Variants in KCNIP4 observed in about 807,000 individuals in gnomAD.
The protein encoded by KCNIP4 is Kv channel-interacting protein 4.
Under a neutral mutation model 34.0 loss-of-function variants are expected in KCNIP4, and 12 were observed. The ratio of observed to expected loss-of-function variants is 0.35; its 90% CI spans 0.23 to 0.57. KCNIP4 has a LOEUF of 0.57. KCNIP4 is among the 20% of genes least tolerant of loss of function. The pLI is 0.83. For synonymous variants in KCNIP4, 124 were observed against 102.2 expected (o/e 1.21, Z -1.29); for missense variants, 238 against 311.7 (o/e 0.76, Z 1.78).
intron 5 of KCNIP4, among the ~76,000 whole-genome samples, chr4:20,743,225 C>T (rs925175975): frequency 2.6e-5 from 4 of 152,120 alleles, no homozygotes; most frequent in African/African-American, 7.2e-5. Context: ...GTGCCATCCC[C>T]ATCAAGCTAC....
chr4:21,138,728 T>C (rs1332731058), intron 1 of KCNIP4, among the ~76,000 whole-genome samples: 1 of 151,988 alleles, frequency 6.6e-6, no homozygotes, highest in Non-Finnish European at 1.5e-5. Context: ...AGGCAGAATG[T>C]ATTCCTAAAG....
At chr4:21,653,320 T>C (rs1042978605) in intron 1 of KCNIP4, among the ~76,000 whole-genome samples, 8 of 152,186 alleles carry the variant, frequency 5.3e-5, no homozygotes, top group Non-Finnish European at 1.2e-4. Context: ...GGCATCAGCT[T>C]TCTTATCTGC....
chr4:21,256,925 C>G (rs895180750), intron 1 of KCNIP4, among the ~76,000 whole-genome samples: 3 of 152,116 alleles, frequency 2.0e-5, no homozygotes, highest in Non-Finnish European at 2.9e-5. Flanking sequence ...TCTAAGGTCT[C>G]TCTATATGCG....
intron 1 of KCNIP4, among the ~76,000 whole-genome samples, chr4:21,475,910 C>T (rs143145833): frequency 6.6e-6 from 1 of 152,124 alleles, no homozygotes; most frequent in South Asian, 2.1e-4. Flanking sequence ...ATAAACCATT[C>T]TATCATGAAG....
chr4:21,585,840 A>T (rs144008432), intron 1 of KCNIP4, among the ~76,000 whole-genome samples: 139 of 152,172 alleles, frequency 9.1e-4, no homozygotes, highest in African/African-American at 3.2e-3. Flanking sequence ...AAGTATAATT[A>T]AGAAATATGT....
At chr4:21,352,102 T>C (rs2109377828) in intron 1 of KCNIP4, among the ~76,000 whole-genome samples, 1 of 152,298 alleles carries the variant, frequency 6.6e-6, no homozygotes, top group African/African-American at 2.4e-5. Context: ...GCAGAGATAT[T>C]TTATCTTGTT....
intron 1 of KCNIP4, among the ~76,000 whole-genome samples, chr4:21,924,675 C>G (rs1299384008): frequency 1.3e-5 from 2 of 152,148 alleles, no homozygotes; most frequent in Non-Finnish European, 1.5e-5. Context: ...TTTTAAGGGT[C>G]AGTGCTGACT....
At chr4:21,837,114 T>G (rs1242877119) in intron 1 of KCNIP4, among the ~76,000 whole-genome samples, 1 of 150,566 alleles carries the variant, frequency 6.6e-6, no homozygotes, top group African/African-American at 2.4e-5. Flanking sequence ...AGATGGGGTT[T>G]CACCATGTTA....
At chr4:20,775,549 A>G (rs1756301842) in intron 3 of KCNIP4, among the ~76,000 whole-genome samples, 2 of 151,592 alleles carry the variant, frequency 1.3e-5, no homozygotes, top group South Asian at 4.2e-4. Flanking sequence ...AAAAAAAAAA[A>G]AAAAAAAAAG....
rs564976687 is a variant in KCNIP4 at position 21,909,929 on chromosome 4, T to C, written c.61+38642A>G. 5.3e-5 allele frequency among the ~76,000 whole-genome samples: 8 copies of C among 152,132 alleles called. No homozygotes were observed. In the East Asian group the frequency reaches 1.6e-3, roughly 30 times the overall value. On this transcript the variant is annotated intron_variant, in intron 1 of 8. Transcript: ENST00000382152. Reference sequence around the variant, plus strand: ...GGAAACTGCCCCCATGATTCAATTATCTCCCACCAGGTCCCTCCCACAACA... The same window carrying C: ...GGAAACTGCCCCCATGATTCAATTACCTCCCACCAGGTCCCTCCCACAACA...
intron 1 of KCNIP4, among the ~76,000 whole-genome samples, chr4:21,692,261 A>C (rs1279435340): frequency 6.6e-6 from 1 of 152,234 alleles, no homozygotes; most frequent in Non-Finnish European, 1.5e-5. Flanking sequence ...ATTAACATGC[A>C]AATTTCTTTC....
intron 1 of KCNIP4, chr4:20,916,188 TCTC>T: frequency 3.3e-6 from 1 of 303,778 alleles, no homozygotes; most frequent in South Asian, 1.3e-4. Context: ...TCACTCACAA[TCTC>T]CTCTCTTATA....
chr4:21,709,962 A>C (rs1713592858), intron 1 of KCNIP4, among the ~76,000 whole-genome samples: 1 of 152,204 alleles, frequency 6.6e-6, no homozygotes, highest in Non-Finnish European at 1.5e-5. Flanking sequence ...AATGATAACC[A>C]CCAGAGCTGC....
chr4:20,756,333 G>A (rs1181819968), intron 4 of KCNIP4, among the ~76,000 whole-genome samples: 1 of 152,064 alleles, frequency 6.6e-6, no homozygotes, highest in Non-Finnish European at 1.5e-5. Flanking sequence ...CTGAACTCCC[G>A]ATTCATGGAC....
At chr4:20,802,694 A>G (rs1208990348) in intron 3 of KCNIP4, among the ~76,000 whole-genome samples, 1 of 152,220 alleles carries the variant, frequency 6.6e-6, no homozygotes, top group Admixed American at 6.5e-5. Flanking sequence ...GGGAATCTTG[A>G]AAAATTAACA....
chr4:21,947,227 A>C (rs1730558018), intron 1 of KCNIP4, among the ~76,000 whole-genome samples: 1 of 152,230 alleles, frequency 6.6e-6, no homozygotes, highest in African/African-American at 2.4e-5. Flanking sequence ...CCTCTACATT[A>C]AACACGCCAC....
intron 1 of KCNIP4, among the ~76,000 whole-genome samples, chr4:21,666,271 C>A (rs193028793): frequency 6.6e-6 from 1 of 152,296 alleles, no homozygotes; most frequent in African/African-American, 2.4e-5. Context: ...ATATATGATA[C>A]TTTGTACATA....
intron 1 of KCNIP4, among the ~76,000 whole-genome samples, chr4:21,688,478 G>GA (rs1750984053): frequency 6.6e-6 from 1 of 152,110 alleles, no homozygotes; most frequent in African/African-American, 2.4e-5. Flanking sequence ...TTGAACACCT[G>GA]AATCTGTTCA....
chr4:21,253,513 A>G (rs1344494306), intron 1 of KCNIP4, among the ~76,000 whole-genome samples: 2 of 152,232 alleles, frequency 1.3e-5, no homozygotes, highest in Admixed American at 1.3e-4. Context: ...TCTAGTCTAC[A>G]TTATTAAGTA....
Sources: gnomAD v4.1 joint callset for allele counts (sites outside exome capture counted in the v4.1 genomes callset) on GRCh38, gnomAD v4.1.1 for gene constraint, MANE v1.5 for transcripts, NCBI Gene and HGNC (gene_info 2026-07-23, HGNC 2026-07-21) for gene names.